Variants in ZFP69 observed in about 807,000 individuals in gnomAD.
The protein encoded by ZFP69 is ZFP69 zinc finger protein.
Under a neutral mutation model 48.9 loss-of-function variants are expected in ZFP69, and 35 were observed. That is an observed-to-expected ratio of 0.72 (90% confidence interval 0.55 to 0.95). The LOEUF is 0.95. Ranked by LOEUF, ZFP69 falls within the 40% of genes least tolerant of loss-of-function variation. ZFP69 has a pLI of 0.00. For missense variants in ZFP69, 557 were observed against 638.4 expected (o/e 0.87, Z 1.37); for synonymous variants, 193 against 216.8 (o/e 0.89, Z 0.96).
At chr1:40,489,021 T>C (rs1358738017) in intron 3 of ZFP69, 67 bp from the exon 4 acceptor site, 1 of 1,597,772 alleles carries the variant, frequency 6.3e-7, no homozygotes, top group Admixed American at 1.7e-5. Context: ...TTTAGAATAC[T>C]GTCAGAACTC....
chr1:40,494,713 AAT>A (rs1557558582), intron 5 of ZFP69, among the ~76,000 whole-genome samples: 1 of 137,494 alleles, frequency 7.3e-6, no homozygotes, highest in African/African-American at 2.8e-5. Context: ...TATATATATA[AAT>A]ATATATCAAA....
In ZFP69 at chr1:40,479,291, G is replaced by C; in HGVS notation, c.-71G>C. 6.2e-7 allele frequency: 1 copy of C among 1,602,016 alleles called. No individual in the cohort carries two copies. Among genetic ancestry groups the C allele is most frequent in the Non-Finnish European group, 8.5e-7 (1 of 1,173,212 alleles). Reference sequence around the variant, plus strand: ...GGAATCTGAGCAACACCCCACAACTGTGAAGCGTCTCATCAAGAGCTTCTG... The same window carrying C: ...GGAATCTGAGCAACACCCCACAACTCTGAAGCGTCTCATCAAGAGCTTCTG... On this transcript the variant is annotated 5_prime_UTR_variant, in exon 2 of 6. Coordinates refer to ENST00000372706, the MANE Select transcript of ZFP69 (RefSeq NM_001320179.2).
Position 40,495,023 on chromosome 1 carries a change from A to G in ZFP69, c.545A>G (p.Asp182Gly). 6.2e-7 allele frequency: 1 copy of G among 1,614,076 alleles called. No homozygotes were observed. Among genetic ancestry groups the G allele is most frequent in the African/African-American group, 1.3e-5 (1 of 75,040 alleles). Residue 182 changes from aspartate to glycine, a missense_variant, in exon 6 of 6, where the codon GAT becomes GGT. By Grantham distance (94) the Asp-to-Gly change is moderately conservative (BLOSUM62 -1). Coordinates refer to ENST00000372706, the MANE Select transcript of ZFP69 (RefSeq NM_001320179.2). ...ATGATGGAAAGTTTCATGAGGGATGATATAATTTATTCCACGTTGAGAAAA... is the reference window on the plus strand; with the variant it reads ...ATGATGGAAAGTTTCATGAGGGATGGTATAATTTATTCCACGTTGAGAAAA... ...GIMMESFMRD[D>G]IIYSTLRKVS...
Position 40,494,968 on chromosome 1 carries a change from A to G in ZFP69, c.490A>G (p.Ile164Val), listed in dbSNP as rs1645613449. Reference sequence around the variant, plus strand: ...CATTGAGTCAACTGCAAAGAGTACCATTTCACAGGAGCGCTTATATCATGG... The same window carrying G: ...CATTGAGTCAACTGCAAAGAGTACCGTTTCACAGGAGCGCTTATATCATGG... ...ETIESTAKST[I>V]SQERLYHGIM... The change falls in exon 6 of 6, where the codon ATT becomes GTT. Residue 164 changes from isoleucine to valine, a missense_variant. Coordinates refer to ENST00000372706, the MANE Select transcript of ZFP69 (RefSeq NM_001320179.2). The G allele has an allele frequency of 6.2e-7, 1 of 1,613,740 alleles. No individual in the cohort carries two copies. Among genetic ancestry groups the G allele is most frequent in the Non-Finnish European group, 8.5e-7 (1 of 1,179,936 alleles).
At chr1:40,488,840 G>A (rs1025755992) in intron 3 of ZFP69, among the ~76,000 whole-genome samples, 3 of 151,788 alleles carry the variant, frequency 2.0e-5, no homozygotes, top group African/African-American at 7.3e-5. Context: ...TCTAAGGTAT[G>A]TATCACCATC....
At chr1:40,492,771 A>AT (rs1645581927) in intron 5 of ZFP69, among the ~76,000 whole-genome samples, 1 of 151,912 alleles carries the variant, frequency 6.6e-6, no homozygotes, top group Admixed American at 6.6e-5. Context: ...ATATTTCCTA[A>AT]TTTTTTTCAG....
chr1:40,478,375 A>G (rs1645410736), intron 1 of ZFP69, among the ~76,000 whole-genome samples: 1 of 152,042 alleles, frequency 6.6e-6, no homozygotes, highest in Admixed American at 6.6e-5. Context: ...AATTTACACC[A>G]TTTGAAGACA....
At chr1:40,484,851 G>C (rs1028061149) in intron 3 of ZFP69, among the ~76,000 whole-genome samples, 4 of 133,686 alleles carry the variant, frequency 3.0e-5, no homozygotes, top group African/African-American at 1.1e-4. Context: ...AAAGGGCTGA[G>C]ATTACAGGCA....
chr1:40,478,603 T>G (rs900676498), intron 1 of ZFP69, among the ~76,000 whole-genome samples: 1 of 152,238 alleles, frequency 6.6e-6, no homozygotes, highest in Admixed American at 6.5e-5. Context: ...TAAAAATTAA[T>G]ACTATGATTC....
Position 40,495,663 on chromosome 1 carries a change from T to G in ZFP69, c.1185T>G (p.Ile395Met). The G allele has an allele frequency of 6.2e-7, 1 of 1,614,208 alleles. No individual in the cohort carries two copies. The highest frequency in any genetic ancestry group is 8.5e-7 in the Non-Finnish European group (1 of 1,180,032). Residue 395 changes from isoleucine (I) to methionine (M), a missense_variant, in exon 6 of 6, where the codon ATT (isoleucine) becomes ATG (methionine). By Grantham distance (10) the Ile-to-Met change is conservative. Transcript: ENST00000372706. ...AATGTGGGAAAACCTTTAGACAGAT[T>G]AGACACCTTAGTGAACATATAAGAA... ...CNECGKTFRQIRHLSEHIRIH... is the reference protein window; with the variant it reads ...CNECGKTFRQMRHLSEHIRIH...
chr1:40,483,013 A>G (rs924986701), intron 3 of ZFP69, among the ~76,000 whole-genome samples: 1 of 152,176 alleles, frequency 6.6e-6, no homozygotes, highest in Non-Finnish European at 1.5e-5. Context: ...ACTACGTCTA[A>G]CAACTACAGA....
intron 3 of ZFP69, among the ~76,000 whole-genome samples, chr1:40,484,023 C>T (rs746028528): frequency 1.3e-4 from 19 of 151,916 alleles, no homozygotes; most frequent in East Asian, 5.8e-4. Flanking sequence ...TTGCATGAGC[C>T]GAGATTGCGC....
rs56706952 is a variant in ZFP69 at position 40,483,226 on chromosome 1, A to ATTTTTTTTTTTTTT, written c.219+1379_219+1392dup. 1.1e-4 allele frequency among the ~76,000 whole-genome samples: 13 copies of ATTTTTTTTTTTTTT among 116,960 alleles called. 2 individuals are homozygous for ATTTTTTTTTTTTTT. Among genetic ancestry groups the ATTTTTTTTTTTTTT allele is most frequent in the East Asian group, 2.9e-4 (1 of 3,470 alleles). The allele number at this position is 116,960 out of a possible 152,430, so 76.7% of individuals were successfully genotyped here. A position where few individuals can be genotyped will look rare whatever the true frequency, so the allele number is the denominator to read the frequency against. ...AAAATCAAACCATACACCTTTTTTA[A>ATTTTTTTTTTTTTT]TTTTTTTTTTTTTTTTTTTTAGAGA... On this transcript the variant is annotated intron_variant, in intron 3 of 5. Coordinates refer to ENST00000372706, the MANE Select transcript of ZFP69 (RefSeq NM_001320179.2).
At chr1:40,485,897 TTTG>T (rs775563096) in intron 3 of ZFP69, among the ~76,000 whole-genome samples, 26 of 152,094 alleles carry the variant, frequency 1.7e-4, no homozygotes, top group Non-Finnish European at 2.4e-4. Flanking sequence ...ATAGGTGTGA[TTTG>T]TTGTTGTTGT....
Position 40,489,955 on chromosome 1 carries a change from C to T in ZFP69, c.442+331C>T, listed in dbSNP as rs187268841. Reference sequence around the variant, plus strand: ...CGCAATCTTGGCTCACTGCAACCTCCGCCTCTGGAGTTCAAGCGATTCTCC... The same window carrying T: ...CGCAATCTTGGCTCACTGCAACCTCTGCCTCTGGAGTTCAAGCGATTCTCC... On this transcript the variant is annotated intron_variant, in intron 5 of 5. Transcript: ENST00000372706. Among the ~76,000 whole-genome samples the T allele has an allele frequency of 8.9e-3, 1,341 of 151,224 alleles. 14 individuals carry two copies. Among genetic ancestry groups the T allele is most frequent in the Non-Finnish European group, 0.013 (853 of 67,824 alleles).
At position 40,495,126 on chromosome 1, in the gene ZFP69, T is replaced by C. The variant is rs747662910; in HGVS notation, c.648T>C (p.His216=). 4 of 1,614,048 alleles carry C rather than the reference T, an allele frequency of 2.5e-6. No homozygotes were observed. The South Asian group carries it at 4.4e-5, about 18-fold the overall frequency. The change falls in exon 6 of 6, where the codon CAT becomes CAC. Residue 216 remains histidine (H), a synonymous_variant. Transcript: ENST00000372706. ...ATGTGAGACAAGCCATCTTGACCCA[T>C]AAGAAGAGAGTCCAAGAAACTAACA... is the stretch of plus-strand genomic sequence containing the variant. ...MRDVRQAILT[H]KKRVQETNKF...
At chr1:40,486,062 C>T (rs192945072) in intron 3 of ZFP69, among the ~76,000 whole-genome samples, 1 of 151,982 alleles carries the variant, frequency 6.6e-6, no homozygotes, top group East Asian at 1.9e-4. Flanking sequence ...AACTACCACA[C>T]CCGCCTTATT....
In ZFP69 at chr1:40,495,062, A is replaced by G; in HGVS notation, c.584A>G (p.Asp195Gly). The change falls in exon 6 of 6, where the codon GAT (aspartate) becomes GGT (glycine). Residue 195 changes from aspartate to glycine, a missense_variant. Asp to Gly is a moderately conservative substitution (Grantham distance 94). Transcript: ENST00000372706. ...YSTLRKVSTYDDVLERHQETC... is the reference protein window; with the variant it reads ...YSTLRKVSTYGDVLERHQETC... ...ACGTTGAGAAAAGTCTCCACATATG[A>G]TGATGTCTTAGAAAGGCACCAGGAA... 6.2e-7 allele frequency: 1 copy of G among 1,614,094 alleles called. No homozygotes were observed. The highest frequency in any genetic ancestry group is 8.5e-7 in the Non-Finnish European group (1 of 1,180,008).
At position 40,495,968 on chromosome 1, in the gene ZFP69, G is replaced by A. The variant is rs1645630277; in HGVS notation, c.1490G>A (p.Cys497Tyr). Residue 497 changes from cysteine (C) to tyrosine (Y), a missense_variant, in exon 6 of 6, where the codon TGT (cysteine) becomes TAT (tyrosine). Cys to Tyr is a radical substitution (Grantham distance 194). Transcript: ENST00000372706. Reference sequence around the variant, plus strand: ...CACACTGGAGAAAAACCTTACGAATGTAACGAATGTGGAAAAGCCTTCAGC... The same window carrying A: ...CACACTGGAGAAAAACCTTACGAATATAACGAATGTGGAAAAGCCTTCAGC... ...RHHTGEKPYECNECGKAFSYN... is the reference protein window; with the variant it reads ...RHHTGEKPYEYNECGKAFSYN... 6.2e-7 allele frequency: 1 copy of A among 1,614,062 alleles called. No homozygotes were observed. Among genetic ancestry groups the A allele is most frequent in the South Asian group, 1.1e-5 (1 of 91,088 alleles).
Sources: gnomAD v4.1 joint callset for allele counts (sites outside exome capture counted in the v4.1 genomes callset) on GRCh38, gnomAD v4.1.1 for gene constraint, MANE v1.5 for transcripts, NCBI Gene and HGNC (gene_info 2026-07-23, HGNC 2026-07-21) for gene names.